Variants in ERI1 observed in about 807,000 individuals in gnomAD.
ERI1 encodes 3'-5' exoribonuclease 1.
In ERI1, 39 loss-of-function variants were observed where a neutral mutation model predicts 39.7. The ratio of observed to expected loss-of-function variants is 0.98; its 90% CI spans 0.76 to 1.28. The LOEUF is 1.28. Ranked by LOEUF, ERI1 falls within the 50% of genes most tolerant of loss-of-function variation. The pLI is 0.00. For synonymous variants in ERI1, 204 were observed against 149.6 expected (o/e 1.36, Z -2.65); for missense variants, 581 against 416.9 (o/e 1.39, Z -3.43).
intron 4 of ERI1, among the ~76,000 whole-genome samples, chr8:9,017,981 C>A (rs1156652108): frequency 6.6e-6 from 1 of 152,174 alleles, no homozygotes; most frequent in Non-Finnish European, 1.5e-5. Flanking sequence ...GAAGAGATTT[C>A]TCTTTTCCCT....
chr8:9,090,111 A>G (rs767104673), intron 3 of ERI1, among the ~76,000 whole-genome samples: 1 of 152,198 alleles, frequency 6.6e-6, no homozygotes, highest in Non-Finnish European at 1.5e-5. Flanking sequence ...GACAGGCACC[A>G]AGAGCCAGTA....
At chr8:9,024,075 T>C (rs998391891) in intron 6 of ERI1, among the ~76,000 whole-genome samples, 8 of 152,302 alleles carry the variant, frequency 5.3e-5, no homozygotes, top group East Asian at 3.9e-4. Context: ...GCTGGAATTA[T>C]AGGCATGAGC....
chr8:9,047,445 G>A (rs66869483), intron 3 of ERI1, among the ~76,000 whole-genome samples: 20,851 of 152,116 alleles, frequency 0.14, 1,573 homozygotes, highest in Middle Eastern at 0.17. Context: ...GAAATGGGCT[G>A]CAGAAGTTCT....
In ERI1 at chr8:9,011,575, A is replaced by C. The variant is rs1816673854; in HGVS notation, c.321A>C (p.Lys107Asn). The part of the protein sequence containing the change: ...GVKDVLKKRL[K>N]NYYKKQKLML... ...AGGATGTTCTAAAGAAGAGACTGAA[A>C]AACTATTATAAGAAGCAGAAGCTGA... Residue 107 changes from lysine (K) to asparagine (N), a missense_variant, in exon 3 of 7, where the codon AAA (lysine) becomes AAC (asparagine). Coordinates refer to ENST00000250263, the MANE Select transcript of ERI1 (RefSeq NM_153332.4). 6.2e-7 allele frequency: 1 copy of C among 1,611,954 alleles called. No homozygotes were observed.
intron 2 of ERI1, 129 bp downstream of exon 2, chr8:9,008,277 A>G: frequency 5.0e-6 from 4 of 796,686 alleles, no homozygotes; most frequent in Non-Finnish European, 5.6e-6. Context: ...ACAGTTCACA[A>G]AAACTAATTA....
downstream of ERI1, among the ~76,000 whole-genome samples, chr8:9,035,231 A>G (rs1014770819): frequency 1.3e-5 from 2 of 152,112 alleles, no homozygotes; most frequent in South Asian, 2.1e-4. Flanking sequence ...AAGATAACTA[A>G]TGAAGGTGGC....
chr8:9,018,247 A>G (rs370390382), intron 4 of ERI1, 50 bp from the exon 5 acceptor site: 45 of 1,053,306 alleles, frequency 4.3e-5, no homozygotes, highest in South Asian at 1.4e-4. Context: ...TTGTAGGTCT[A>G]CGTGAAGCTG....
intron 3 of ERI1, among the ~76,000 whole-genome samples, chr8:9,013,403 C>T (rs969547348): frequency 6.6e-5 from 10 of 151,428 alleles, no homozygotes; most frequent in African/African-American, 2.4e-4. Flanking sequence ...TCAGGTATAA[C>T]TTGTTCTGCT....
Position 9,020,368 on chromosome 8 carries a change from G to A in ERI1, c.711G>A (p.Lys237=), listed in dbSNP as rs774749825. 6.9e-6 allele frequency: 11 copies of A among 1,593,370 alleles called. No homozygotes were observed. In the South Asian group the frequency reaches 1.3e-4, roughly 19 times the overall value. The change falls in exon 6 of 7, where the codon AAG becomes AAA. Residue 237 remains lysine (K), a synonymous_variant. Coordinates refer to ENST00000250263, the MANE Select transcript of ERI1 (RefSeq NM_153332.4). ...LLTDGSWDMS[K]FLNIQCQLSR... is the part of the protein sequence containing the mutation. Reference sequence around the variant, plus strand: ...TTTATAGTTCTTGGGATATGAGTAAGTTCTTGAACATTCAGTGTCAACTCA... The same window carrying A: ...TTTATAGTTCTTGGGATATGAGTAAATTCTTGAACATTCAGTGTCAACTCA...
chr8:9,071,067 A>T (rs1372616626), intron 3 of ERI1, among the ~76,000 whole-genome samples: 1 of 152,198 alleles, frequency 6.6e-6, no homozygotes, highest in African/African-American at 2.4e-5. Context: ...AGTTTCCCAA[A>T]GCAACATATC....
At chr8:9,089,431 A>G (rs1417111599) in intron 3 of ERI1, among the ~76,000 whole-genome samples, 2 of 152,164 alleles carry the variant, frequency 1.3e-5, no homozygotes, top group Non-Finnish European at 2.9e-5. Flanking sequence ...GGGGAACTTA[A>G]GATTCTTCTT....
chr8:9,003,863 G>C lies in ERI1; in HGVS notation c.108+692G>C, dbSNP rs553372927. On this transcript the variant is annotated intron_variant, in intron 1 of 6. Coordinates refer to ENST00000250263, the MANE Select transcript of ERI1 (RefSeq NM_153332.4). ...ATAAACATGTTGAACACTTCGTAAAGCTTCATAAAGTGCGTATTTGCAAGA... is the reference window on the plus strand; with the variant it reads ...ATAAACATGTTGAACACTTCGTAAACCTTCATAAAGTGCGTATTTGCAAGA... Among the ~76,000 whole-genome samples, 4 of 152,326 alleles carry C rather than the reference G, an allele frequency of 2.6e-5. No individual in the cohort carries two copies. The South Asian group carries it at 8.3e-4, about 32-fold the overall frequency.
intron 6 of ERI1, among the ~76,000 whole-genome samples, chr8:9,027,141 GTGTGTGTA>G (rs1234304329): frequency 5.4e-4 from 65 of 121,060 alleles, no homozygotes; most frequent in African/African-American, 1.9e-3. Flanking sequence ...TTTCTGGTGT[GTGTGTGTA>G]TGTGTGTGTG....
At chr8:9,062,987 G>C (rs1301045037) in intron 3 of ERI1, among the ~76,000 whole-genome samples, 1 of 152,158 alleles carries the variant, frequency 6.6e-6, no homozygotes, top group African/African-American at 2.4e-5. Context: ...GATGTGGCTG[G>C]GGTTTGTCTC....
At chr8:9,089,247 CA>C (rs1382430474) in intron 3 of ERI1, among the ~76,000 whole-genome samples, 1 of 152,200 alleles carries the variant, frequency 6.6e-6, no homozygotes, top group African/African-American at 2.4e-5. Flanking sequence ...AGACCATTCT[CA>C]CCTTCTTTAA....
At chr8:9,040,869 T>G (rs1797995668) in intron 3 of ERI1, among the ~76,000 whole-genome samples, 1 of 152,082 alleles carries the variant, frequency 6.6e-6, no homozygotes, top group Non-Finnish European at 1.5e-5. Flanking sequence ...AGCCTCTCCA[T>G]CAGCCCGCCA....
At chr8:9,079,642 T>G (rs1046941327) in intron 3 of ERI1, among the ~76,000 whole-genome samples, 2 of 152,166 alleles carry the variant, frequency 1.3e-5, no homozygotes, top group African/African-American at 2.4e-5. Flanking sequence ...CCAGGTAGCC[T>G]TGGATATGAA....
intron 3 of ERI1, among the ~76,000 whole-genome samples, chr8:9,080,157 C>G (rs529969080): frequency 6.6e-6 from 1 of 152,154 alleles, no homozygotes; most frequent in African/African-American, 2.4e-5. Context: ...TATTTTACAG[C>G]GACTTGTGGT....
intron 3 of ERI1, among the ~76,000 whole-genome samples, chr8:9,099,553 T>G (rs1799985000): frequency 1.3e-5 from 2 of 148,660 alleles, no homozygotes; most frequent in Admixed American, 6.7e-5. Context: ...TGTGACGGTA[T>G]CATTGCAATC....
Sources: gnomAD v4.1 joint callset for allele counts (sites outside exome capture counted in the v4.1 genomes callset) on GRCh38, gnomAD v4.1.1 for gene constraint, MANE v1.5 for transcripts, NCBI Gene and HGNC (gene_info 2026-07-23, HGNC 2026-07-21) for gene names.